RARS2: variants seen among roughly 807,000 people sequenced by gnomAD.
The protein encoded by RARS2 is probable arginine--tRNA ligase, mitochondrial.
RARS2 carries 67 observed loss-of-function variants against 88.5 expected under a neutral mutation model. That is an observed-to-expected ratio of 0.76 (90% CI 0.62 to 0.93). RARS2 has a LOEUF of 0.93. Ranked by LOEUF, RARS2 falls within the 40% of genes least tolerant of loss-of-function variation. The pLI is 0.00. For missense variants in RARS2, 664 were observed against 684.2 expected (o/e 0.97, Z 0.33); for synonymous variants, 239 against 230.3 (o/e 1.04, Z -0.34).
intron 4 of RARS2, among the ~76,000 whole-genome samples, chr6:87,557,617 G>C (rs1462376852): frequency 6.6e-6 from 1 of 152,114 alleles, no homozygotes; most frequent in Non-Finnish European, 1.5e-5. Flanking sequence ...AGTCCCTTTC[G>C]ATCATCTGTC....
chr6:87,517,396 T>C (rs1003596097), intron 17 of RARS2, among the ~76,000 whole-genome samples: 1 of 152,252 alleles, frequency 6.6e-6, no homozygotes, highest in Admixed American at 6.5e-5. Flanking sequence ...TCTTGCTATT[T>C]CCTAGACCTA....
intron 4 of RARS2, among the ~76,000 whole-genome samples, chr6:87,557,349 A>T (rs905955505): frequency 6.6e-6 from 1 of 152,238 alleles, no homozygotes; most frequent in African/African-American, 2.4e-5. Context: ...TCCCAGTATT[A>T]TTAGTCCAAG....
chr6:87,586,111 G>A (rs1346080497), intron 1 of RARS2, among the ~76,000 whole-genome samples: 1 of 152,190 alleles, frequency 6.6e-6, no homozygotes, highest in Non-Finnish European at 1.5e-5. Context: ...GATACATGGA[G>A]AATGAACTGG....
At chr6:87,540,652 T>C (rs1219276555) in intron 8 of RARS2, among the ~76,000 whole-genome samples, 1 of 152,050 alleles carries the variant, frequency 6.6e-6, no homozygotes, top group Non-Finnish European at 1.5e-5. Flanking sequence ...CTGTCACCAA[T>C]ATGGCTGACT....
intron 2 of RARS2, chr6:87,564,685 A>G: frequency 3.9e-6 from 1 of 255,732 alleles, no homozygotes; most frequent in Non-Finnish European, 7.7e-6. Flanking sequence ...AGTAAATAAA[A>G]TAAAATAAAT....
intron 5 of RARS2, among the ~76,000 whole-genome samples, chr6:87,552,653 T>C (rs959448628): frequency 2.6e-5 from 4 of 152,062 alleles, no homozygotes; most frequent in Admixed American, 2.0e-4. Flanking sequence ...GAGCAGTATA[T>C]GGGAAACCAA....
rs1773351231 is a variant in RARS2 at position 87,520,124 on chromosome 6, A to T, written c.1112+56T>A. 4.3e-6 allele frequency: 6 copies of T among 1,405,518 alleles called. No homozygotes were observed. The South Asian group carries it at 6.9e-5, about 16-fold the overall frequency. The allele number at this position is 1,405,518 out of a possible 1,614,324, so 87.1% of individuals were successfully genotyped here. A position where few individuals can be genotyped will look rare whatever the true frequency, so the allele number is the denominator to read the frequency against. On this transcript the variant is annotated intron_variant, in intron 13 of 19. Coordinates refer to ENST00000369536, the MANE Select transcript of RARS2 (RefSeq NM_020320.5). ...GAGTGAAAAACTTTAACCACTAGGT[A>T]CATTTTCAGGCTCAGCTGACCCTGC...
intron 1 of RARS2, among the ~76,000 whole-genome samples, chr6:87,588,730 C>G (rs1775972729): frequency 6.6e-6 from 1 of 152,220 alleles, no homozygotes; most frequent in Admixed American, 6.6e-5. Flanking sequence ...TTCTTGCACT[C>G]TTTGCTTTTC....
chr6:87,534,480 C>T (rs774206758), intron 8 of RARS2, among the ~76,000 whole-genome samples: 1 of 152,196 alleles, frequency 6.6e-6, no homozygotes, highest in Non-Finnish European at 1.5e-5. Flanking sequence ...TAAATGTTAA[C>T]ATTTCTCATG....
intron 11 of RARS2, among the ~76,000 whole-genome samples, chr6:87,523,356 T>C (rs1370859843): frequency 6.6e-6 from 1 of 152,160 alleles, no homozygotes; most frequent in East Asian, 1.9e-4. Flanking sequence ...TTCTTTTCAG[T>C]ATTCTCCTGC....
At chr6:87,554,751 C>T (rs1387733947) in intron 5 of RARS2, among the ~76,000 whole-genome samples, 5 of 152,112 alleles carry the variant, frequency 3.3e-5, no homozygotes, top group African/African-American at 1.2e-4. Flanking sequence ...CATGTCTGGC[C>T]ACTTTAAAAT....
intron 1 of RARS2, among the ~76,000 whole-genome samples, chr6:87,583,697 A>G (rs1774282612): frequency 6.6e-6 from 1 of 152,196 alleles, no homozygotes; most frequent in Non-Finnish European, 1.5e-5. Context: ...GGAGCCAGAC[A>G]CGTACTGGCC....
intron 1 of RARS2, among the ~76,000 whole-genome samples, chr6:87,584,241 T>C (rs1774449793): frequency 6.6e-6 from 1 of 152,212 alleles, no homozygotes; most frequent in Non-Finnish European, 1.5e-5. Flanking sequence ...CAAAATATGT[T>C]GATACTGTGG....
intron 12 of RARS2, among the ~76,000 whole-genome samples, chr6:87,520,900 G>C (rs1352154006): frequency 6.6e-6 from 1 of 152,152 alleles, no homozygotes; most frequent in Non-Finnish European, 1.5e-5. Context: ...TTTTGTGATG[G>C]AACAGTTCTA....
At chr6:87,528,472 T>C (rs1056171332) in intron 10 of RARS2, among the ~76,000 whole-genome samples, 3 of 152,214 alleles carry the variant, frequency 2.0e-5, no homozygotes, top group Admixed American at 1.3e-4. Context: ...ACCATGGTTA[T>C]TGTAACATTA....
chr6:87,549,654 C>T (rs962249922), intron 5 of RARS2, among the ~76,000 whole-genome samples: 7 of 152,136 alleles, frequency 4.6e-5, no homozygotes, highest in Admixed American at 6.5e-5. Flanking sequence ...TTTATCACTC[C>T]CGTGTGTGCT....
Position 87,513,998 on chromosome 6 carries a change from C to T in RARS2, c.*415G>A, listed in dbSNP as rs17504209. Reference sequence around the variant, plus strand: ...ATAACTTGACAAGTCACATTTAATACAGATTCTGACACAGAATAATAGTTT... The same window carrying T: ...ATAACTTGACAAGTCACATTTAATATAGATTCTGACACAGAATAATAGTTT... On this transcript the variant is annotated 3_prime_UTR_variant, in exon 20 of 20. Coordinates refer to ENST00000369536, the MANE Select transcript of RARS2 (RefSeq NM_020320.5). Among the ~76,000 whole-genome samples the T allele has an allele frequency of 0.064, 9,673 of 152,198 alleles. 386 individuals are homozygous for T. The highest frequency in any genetic ancestry group is 0.12 in the African/African-American group (4,839 of 41,510).
At chr6:87,521,274 T>C (rs968699465) in intron 12 of RARS2, among the ~76,000 whole-genome samples, 190 bp downstream of exon 12, 1 of 152,228 alleles carries the variant, frequency 6.6e-6, no homozygotes, top group Non-Finnish European at 1.5e-5. Flanking sequence ...TAATTTTTTC[T>C]TACTATGAAG....
chr6:87,584,658 C>G (rs759581129), intron 1 of RARS2: 5 of 457,516 alleles, frequency 1.1e-5, no homozygotes, highest in Admixed American at 2.4e-5. Flanking sequence ...ACAAATCTAC[C>G]CTCAAAAGAC....
Sources: gnomAD v4.1 joint callset for allele counts (sites outside exome capture counted in the v4.1 genomes callset) on GRCh38, gnomAD v4.1.1 for gene constraint, MANE v1.5 for transcripts, NCBI Gene and HGNC (gene_info 2026-07-23, HGNC 2026-07-21) for gene names.